AAK1: variants seen among roughly 807,000 people sequenced by gnomAD.
AAK1 encodes AP2 associated kinase 1.
A neutral mutation model predicts 116.0 loss-of-function variants in AAK1; 37 were observed. The ratio of observed to expected loss-of-function variants is 0.32; its 90% CI spans 0.25 to 0.42. The LOEUF (loss-of-function observed/expected upper bound fraction) is 0.42, where lower values mean the gene tolerates loss of function less well. Ranked by LOEUF, AAK1 falls within the 10% of genes least tolerant of loss-of-function variation. The pLI, the probability that AAK1 is intolerant of heterozygous loss-of-function variation, is 1.00. For synonymous variants in AAK1, 458 were observed against 439.9 expected, an observed-to-expected ratio of 1.04 and a Z score of -0.51; for missense variants, 919 against 1,170.6, an observed-to-expected ratio of 0.79 and a Z score of 3.14.
chr2:69,555,948 G>A (rs1226410153), intron 3 of AAK1, among the ~76,000 whole-genome samples: 1 of 151,982 alleles, frequency 6.6e-6, no homozygotes, highest in East Asian at 1.9e-4. Flanking sequence ...ATTCTGCTTT[G>A]ATCACCATCA....
chr2:69,621,017 G>A (rs147831074), intron 2 of AAK1, among the ~76,000 whole-genome samples: 76 of 152,300 alleles, frequency 5.0e-4, no homozygotes, highest in Non-Finnish European at 7.6e-4. Context: ...ACTGTGGTGC[G>A]TCCACCAGGG....
chr2:69,471,257 T>C lies in AAK1; in HGVS notation c.*4612A>G. ...CCATTTGGTAACTTCTTTGCATAGG[T>C]TAGCATTACCCAAGGAGCCTCCCTA... is the stretch of plus-strand genomic sequence containing the variant. On this transcript the variant is annotated 3_prime_UTR_variant, in exon 22 of 22. Transcript: ENST00000409085. 1 of 985,388 alleles carries C rather than the reference T, an allele frequency of 1.0e-6. No individual in the cohort carries two copies. The allele number at this position is 985,388 out of a possible 1,614,324, so 61.0% of individuals were successfully genotyped here.
intron 2 of AAK1, among the ~76,000 whole-genome samples, chr2:69,589,983 AT>A (rs1340236994): frequency 6.6e-6 from 1 of 152,118 alleles, no homozygotes; most frequent in Non-Finnish European, 1.5e-5. Context: ...TAAAAAAAAA[AT>A]TCATAGAAGC....
Position 69,472,486 on chromosome 2 carries a change from T to C in AAK1, c.*3383A>G. On this transcript the variant is annotated 3_prime_UTR_variant, in exon 22 of 22. Transcript: ENST00000409085. ...TAAGTATTAACTTCTTAAGTAAAAC[T>C]AGATGACATTGAGGGGAACAACACT... is the stretch of plus-strand genomic sequence containing the variant. 1 of 530,098 alleles carries C rather than the reference T, an allele frequency of 1.9e-6. No homozygotes were observed. The highest frequency in any genetic ancestry group is 2.4e-6 in the Non-Finnish European group (1 of 414,098). The allele number at this position is 530,098 out of a possible 1,614,324, so 32.8% of individuals were successfully genotyped here.
At chr2:69,594,939 A>C (rs1054172776) in intron 2 of AAK1, 20 of 987,462 alleles carry the variant, frequency 2.0e-5, no homozygotes, top group Admixed American at 1.2e-4. Context: ...GCTTCCTGTC[A>C]TAACGCCACT....
Position 69,473,319 on chromosome 2 carries a change from G to C in AAK1, c.*2550C>G. On this transcript the variant is annotated 3_prime_UTR_variant, in exon 22 of 22. Coordinates refer to ENST00000409085, the MANE Select transcript of AAK1 (RefSeq NM_014911.5). Reference sequence around the variant, plus strand: ...GTCTCAAAGGTCCCTTTGTAGCTCAGGCTATGATTCCACAGGTACCAGGAC... The same window carrying C: ...GTCTCAAAGGTCCCTTTGTAGCTCACGCTATGATTCCACAGGTACCAGGAC... The C allele has an allele frequency of 1.0e-6, 1 of 985,390 alleles. No individual in the cohort carries two copies. Among genetic ancestry groups the C allele is most frequent in the Non-Finnish European group, 1.2e-6 (1 of 829,876 alleles). The allele number at this position is 985,390 out of a possible 1,614,324, so 61.0% of individuals were successfully genotyped here.
At chr2:69,593,357 A>G in intron 2 of AAK1, among the ~76,000 whole-genome samples, 1 of 152,180 alleles carries the variant, frequency 6.6e-6, no homozygotes, top group Non-Finnish European at 1.5e-5. Flanking sequence ...ACAACATATT[A>G]TTGAGTTTAA....
chr2:69,527,706 T>A (rs946426346), intron 8 of AAK1, among the ~76,000 whole-genome samples: 1 of 152,204 alleles, frequency 6.6e-6, no homozygotes, highest in African/African-American at 2.4e-5. Flanking sequence ...TCTTAATAAT[T>A]ATAACCAAAA....
intron 2 of AAK1, among the ~76,000 whole-genome samples, chr2:69,621,788 C>T (rs1674640702): frequency 6.6e-6 from 1 of 152,210 alleles, no homozygotes; most frequent in South Asian, 2.1e-4. Context: ...TCAGTGGGTG[C>T]CACTTCCATC....
Position 69,466,805 on chromosome 2 carries a change from CATTCAGCG to C in AAK1, c.*9056_*9063del. The C allele has an allele frequency of 1.0e-6, 1 of 985,418 alleles. No individual in the cohort carries two copies. Among genetic ancestry groups the C allele is most frequent in the African/African-American group, 1.7e-5 (1 of 57,352 alleles). 61.0% of individuals were successfully genotyped at this position (985,418 alleles called of 1,614,324 possible). On this transcript the variant is annotated 3_prime_UTR_variant, in exon 22 of 22. Transcript: ENST00000409085. ...GAGATGAAGATGTTAGGCACACAGA[CATTCAGCG>C]TAACTATGCAATGCTCCTACACACA...
intron 15 of AAK1, among the ~76,000 whole-genome samples, chr2:69,506,733 C>T (rs901997491): frequency 2.6e-5 from 4 of 152,174 alleles, no homozygotes; most frequent in East Asian, 3.9e-4. Flanking sequence ...TCATACCACT[C>T]AATTGGTTCT....
At chr2:69,600,497 T>C (rs999566991) in intron 2 of AAK1, among the ~76,000 whole-genome samples, 2 of 152,062 alleles carry the variant, frequency 1.3e-5, no homozygotes, top group African/African-American at 4.8e-5. Flanking sequence ...GTGGTGAAAA[T>C]AGCAAGACAA....
chr2:69,572,190 T>G (rs116232248), intron 2 of AAK1, among the ~76,000 whole-genome samples: 19 of 152,316 alleles, frequency 1.2e-4, no homozygotes, highest in African/African-American at 4.6e-4. Context: ...GCACTTGCCC[T>G]GAGCACAAAG....
intron 13 of AAK1, among the ~76,000 whole-genome samples, chr2:69,512,145 G>C (rs932410574): frequency 6.6e-6 from 1 of 152,156 alleles, no homozygotes; most frequent in Non-Finnish European, 1.5e-5. Flanking sequence ...TGGGAGGAGG[G>C]ACAGAGAGAC....
chr2:69,470,957 G>A lies in AAK1; in HGVS notation c.*4912C>T, dbSNP rs1199592987. ...GATAAAAGTCTTTATTCCCCTGTAT[G>A]TTTACATAAGAAAGTTCTTTACAGA... On this transcript the variant is annotated 3_prime_UTR_variant, in exon 22 of 22. Coordinates refer to ENST00000409085, the MANE Select transcript of AAK1 (RefSeq NM_014911.5). The A allele has an allele frequency of 5.1e-6, 5 of 985,814 alleles. No homozygotes were observed. Among genetic ancestry groups the A allele is most frequent in the Non-Finnish European group, 6.0e-6 (5 of 829,896 alleles). 61.1% of individuals were successfully genotyped at this position (985,814 alleles called of 1,614,324 possible).
chr2:69,544,416 G>A lies in AAK1; in HGVS notation c.391+20C>T, dbSNP rs548189815. 1.3e-6 allele frequency: 2 copies of A among 1,562,588 alleles called. No individual in the cohort carries two copies. The highest frequency in any genetic ancestry group is 1.1e-5 in the South Asian group (1 of 89,922). On this transcript the variant is annotated intron_variant, in intron 4 of 21. Transcript: ENST00000409085. Reference sequence around the variant, plus strand: ...AATGCTAGAGAAATGACAGCTTAAGGGAATGGTTCATATACATACCTCTAC... The same window carrying A: ...AATGCTAGAGAAATGACAGCTTAAGAGAATGGTTCATATACATACCTCTAC...
chr2:69,633,496 G>C (rs1210569770), intron 2 of AAK1, among the ~76,000 whole-genome samples: 1 of 150,990 alleles, frequency 6.6e-6, no homozygotes, highest in African/African-American at 2.4e-5. Context: ...AGCTACTTGG[G>C]AGACTGAGGC....
chr2:69,563,252 G>C (rs1671721619), intron 2 of AAK1, among the ~76,000 whole-genome samples: 3 of 152,184 alleles, frequency 2.0e-5, no homozygotes, highest in Admixed American at 2.0e-4. Context: ...CAGGACACCA[G>C]TGACTTCCAC....
At chr2:69,489,437 C>T (rs1279826691) in intron 17 of AAK1, among the ~76,000 whole-genome samples, 5 of 131,260 alleles carry the variant, frequency 3.8e-5, no homozygotes, top group East Asian at 2.3e-4. Flanking sequence ...GGCGACAGAG[C>T]GAGACTCCGT....
Sources: gnomAD v4.1 joint callset for allele counts (sites outside exome capture counted in the v4.1 genomes callset) on GRCh38, gnomAD v4.1.1 for gene constraint, MANE v1.5 for transcripts, NCBI Gene and HGNC (gene_info 2026-07-23, HGNC 2026-07-21) for gene names.